The following CNTN5 variants were observed in gnomAD, a reference collection of about 807,000 sequenced individuals.
The protein encoded by CNTN5 is contactin 5.
CNTN5 carries 77 observed loss-of-function variants against 129.1 expected under a neutral mutation model. The observed-to-expected ratio is 0.60, with a 90% CI of 0.50 to 0.72. The LOEUF is 0.72. Among genes scored for constraint, CNTN5 ranks in the 30% least tolerant of loss-of-function variants. CNTN5 has a pLI of 0.00. For synonymous variants in CNTN5, 509 were observed against 465.6 expected (o/e 1.09, Z -1.20); for missense variants, 1,478 against 1,328.8 (o/e 1.11, Z -1.75).
chr11:99,176,460 A>G (rs1857777583), intron 1 of CNTN5, among the ~76,000 whole-genome samples: 1 of 152,180 alleles, frequency 6.6e-6, no homozygotes, highest in South Asian at 2.1e-4. Flanking sequence ...CTCAAAATGG[A>G]TACTTCCAAA....
chr11:99,714,546 A>G (rs1465011476), intron 3 of CNTN5, among the ~76,000 whole-genome samples: 1 of 151,976 alleles, frequency 6.6e-6, no homozygotes, highest in Non-Finnish European at 1.5e-5. Context: ...CTGCCTTCCA[A>G]GGATTCTGTG....
rs549956160 is a variant in CNTN5 at position 100,209,460 on chromosome 11, T to C, written c.1885-15232T>C. Among the ~76,000 whole-genome samples, 124 of 152,338 alleles carry C rather than the reference T, an allele frequency of 8.1e-4. 1 individual carries two copies. Among genetic ancestry groups the C allele is most frequent in the Middle Eastern group, 6.8e-3 (2 of 294 alleles). Reference sequence around the variant, plus strand: ...CTGGTTAAAGAGAGTCATTTTTCCATTTTACATGGTTAACATTCTTTTTAA... The same window carrying C: ...CTGGTTAAAGAGAGTCATTTTTCCACTTTACATGGTTAACATTCTTTTTAA... On this transcript the variant is annotated intron_variant, in intron 15 of 24. Transcript: ENST00000524871.
intron 2 of CNTN5, among the ~76,000 whole-genome samples, chr11:99,480,657 CTATG>C (rs1178719264): frequency 6.6e-6 from 1 of 152,118 alleles, no homozygotes; most frequent in Non-Finnish European, 1.5e-5. Context: ...TAGAGTGTAT[CTATG>C]TAACTTCTGT....
intron 2 of CNTN5, among the ~76,000 whole-genome samples, chr11:99,413,135 A>G (rs1942474490): frequency 6.6e-6 from 1 of 152,212 alleles, no homozygotes; most frequent in African/African-American, 2.4e-5. Flanking sequence ...TTTGCAGGCA[A>G]ATTAATCTAC....
chr11:99,094,303 T>A (rs1415660834), intron 1 of CNTN5, among the ~76,000 whole-genome samples: 1 of 152,076 alleles, frequency 6.6e-6, no homozygotes, highest in Non-Finnish European at 1.5e-5. Context: ...TTTAAATTAA[T>A]GTGTGTCTAA....
intron 2 of CNTN5, among the ~76,000 whole-genome samples, chr11:99,390,830 A>G (rs2136187369): frequency 6.6e-6 from 1 of 152,278 alleles, no homozygotes; most frequent in African/African-American, 2.4e-5. Flanking sequence ...TTTTAATGAT[A>G]CTAACATAGG....
In CNTN5 at chr11:99,650,030, A is replaced by G. The variant is rs191621511; in HGVS notation, c.55+93761A>G. ...TCTACCTGAAATGTGTTATTTTTCCATGCATTTGGAGCATGCAAAAGACAT... is the reference window on the plus strand; with the variant it reads ...TCTACCTGAAATGTGTTATTTTTCCGTGCATTTGGAGCATGCAAAAGACAT... On this transcript the variant is annotated intron_variant, in intron 3 of 24. Transcript: ENST00000524871. Among the ~76,000 whole-genome samples the G allele has an allele frequency of 2.0e-4, 30 of 151,936 alleles. 1 individual carries two copies. The East Asian group carries it at 5.2e-3, about 26-fold the overall frequency.
At chr11:99,740,705 A>G (rs1053925382) in intron 3 of CNTN5, among the ~76,000 whole-genome samples, 1 of 152,202 alleles carries the variant, frequency 6.6e-6, no homozygotes, top group South Asian at 2.1e-4. Context: ...CAGAGGTTGC[A>G]GCAACTCATT....
At chr11:99,064,989 AAAATT>A (rs1436950088) in intron 1 of CNTN5, among the ~76,000 whole-genome samples, 1 of 152,050 alleles carries the variant, frequency 6.6e-6, no homozygotes, top group Non-Finnish European at 1.5e-5. Context: ...AACTTTTAAT[AAAATT>A]ATCTAATCTA....
At chr11:99,486,214 T>TGTC (rs1232001047) in intron 2 of CNTN5, among the ~76,000 whole-genome samples, 3 of 152,118 alleles carry the variant, frequency 2.0e-5, no homozygotes, top group Non-Finnish European at 2.9e-5. Flanking sequence ...ACCAAGTTGA[T>TGTC]GTCTTTCATA....
intron 18 of CNTN5, among the ~76,000 whole-genome samples, chr11:100,287,248 TAC>T (rs1228283774): frequency 2.0e-5 from 3 of 151,996 alleles, no homozygotes; most frequent in Admixed American, 2.0e-4. Flanking sequence ...ATTCAGGAAA[TAC>T]AGAGAATGCC....
At chr11:99,212,180 G>A (rs1049498856) in intron 1 of CNTN5, among the ~76,000 whole-genome samples, 1 of 152,136 alleles carries the variant, frequency 6.6e-6, no homozygotes, top group Non-Finnish European at 1.5e-5. Flanking sequence ...GGTTGCACGT[G>A]TTCTGGGAAT....
chr11:99,357,436 A>T (rs925636536), intron 2 of CNTN5, among the ~76,000 whole-genome samples: 1 of 152,096 alleles, frequency 6.6e-6, no homozygotes, highest in Non-Finnish European at 1.5e-5. Flanking sequence ...TATATACTTG[A>T]AATTACAGAA....
intron 1 of CNTN5, among the ~76,000 whole-genome samples, chr11:99,225,035 GAGA>G (rs1274531549): frequency 3.9e-5 from 6 of 152,224 alleles, no homozygotes; most frequent in East Asian, 1.9e-4. Context: ...TTGGAATTGA[GAGA>G]AGGACTAGAG....
chr11:99,834,216 A>G (rs1306802807), intron 4 of CNTN5, among the ~76,000 whole-genome samples: 2 of 152,164 alleles, frequency 1.3e-5, no homozygotes, highest in African/African-American at 4.8e-5. Context: ...GCCTCTCATG[A>G]CACTTGGGTC....
chr11:99,736,462 A>C (rs1943714356), intron 3 of CNTN5, among the ~76,000 whole-genome samples: 1 of 152,184 alleles, frequency 6.6e-6, no homozygotes, highest in African/African-American at 2.4e-5. Flanking sequence ...CAAGAAGGGG[A>C]ACAGATTGGC....
At chr11:99,996,663 C>T (rs1399917582) in intron 8 of CNTN5, among the ~76,000 whole-genome samples, 1 of 152,124 alleles carries the variant, frequency 6.6e-6, no homozygotes, top group Non-Finnish European at 1.5e-5. Flanking sequence ...ATAAAGAATA[C>T]TTGAGACTGG....
chr11:99,508,153 T>C (rs1946695424), intron 2 of CNTN5, among the ~76,000 whole-genome samples: 1 of 152,170 alleles, frequency 6.6e-6, no homozygotes, highest in Non-Finnish European at 1.5e-5. Flanking sequence ...AGAAAGAACG[T>C]AGGCTTGGGA....
intron 2 of CNTN5, among the ~76,000 whole-genome samples, chr11:99,496,010 A>C (rs1946211286): frequency 6.6e-6 from 1 of 152,134 alleles, no homozygotes; most frequent in African/African-American, 2.4e-5. Context: ...AAGGGTACAC[A>C]TTTTTGTTTA....
Sources: allele counts gnomAD v4.1 joint callset (sites outside exome capture counted in the v4.1 genomes callset), GRCh38; gene constraint gnomAD v4.1.1; transcripts MANE v1.5; gene names NCBI Gene and HGNC (gene_info 2026-07-23, HGNC 2026-07-21).